The following FHL5 variants were observed in gnomAD, a reference collection of about 807,000 sequenced individuals.
FHL5 encodes four and a half LIM domains 5.
FHL5 carries 33 observed loss-of-function variants against 32.0 expected under a neutral mutation model. The ratio of observed to expected loss-of-function variants is 1.03; its 90% confidence interval spans 0.78 to 1.38. The LOEUF (loss-of-function observed/expected upper bound fraction) is 1.38. FHL5 is among the 40% of genes most tolerant of loss of function. The probability of loss-of-function intolerance (pLI) is 0.00; values close to 1 mark genes in which losing one functional copy is unlikely to be tolerated. For missense variants in FHL5, 336 were observed against 343.9 expected, an observed-to-expected ratio of 0.98 and a Z score of 0.18; for synonymous variants, 114 against 113.6, an observed-to-expected ratio of 1.00 and a Z score of -0.02.
chr6:96,591,416 C>T (rs901563375), intron 1 of FHL5, among the ~76,000 whole-genome samples: 2 of 151,704 alleles, frequency 1.3e-5, no homozygotes, highest in African/African-American at 2.4e-5. Flanking sequence ...TCATTTTTTC[C>T]CTACTCTTTT....
intron 1 of FHL5, among the ~76,000 whole-genome samples, chr6:96,594,818 C>A (rs1771002103): frequency 6.6e-6 from 1 of 151,910 alleles, no homozygotes; most frequent in Non-Finnish European, 1.5e-5. Context: ...TTTAACAAAT[C>A]TAATGACTTA....
intron 1 of FHL5, among the ~76,000 whole-genome samples, chr6:96,597,798 A>G (rs927101763): frequency 1.3e-5 from 2 of 152,022 alleles, no homozygotes; most frequent in Non-Finnish European, 2.9e-5. Context: ...CCACATCTCA[A>G]GGAAAGGGGA....
intron 1 of FHL5, among the ~76,000 whole-genome samples, chr6:96,566,082 A>C (rs1340243863): frequency 6.6e-6 from 1 of 152,068 alleles, no homozygotes; most frequent in African/African-American, 2.4e-5. Flanking sequence ...AGTGCTATAG[A>C]ACACTCAAAC....
intron 1 of FHL5, among the ~76,000 whole-genome samples, chr6:96,570,088 G>C (rs182671711): frequency 8.2e-4 from 124 of 151,786 alleles, no homozygotes; most frequent in African/African-American, 2.9e-3. Context: ...TATACTTTTG[G>C]TGTGTTTTCA....
At chr6:96,614,037 T>C (rs1771466406) in intron 5 of FHL5, among the ~76,000 whole-genome samples, 2 of 152,226 alleles carry the variant, frequency 1.3e-5, no homozygotes, top group African/African-American at 2.4e-5. Context: ...ACAACCCTCA[T>C]GACCTAAGGG....
In FHL5 at chr6:96,568,991, C is replaced by A. The variant is rs187698934; in HGVS notation, c.-13+5636C>A. The stretch of plus-strand genomic sequence containing the variant: ...TTCTTTCTTTCCTTCTAATTTTGGG[C>A]TTGGTTTACTCTGCTTTTCTAGTTT... On this transcript the variant is annotated intron_variant, in intron 1 of 5. Coordinates refer to ENST00000450218, the MANE Select transcript of FHL5 (RefSeq NM_001322466.2). 3.3e-5 allele frequency among the ~76,000 whole-genome samples: 5 copies of A among 151,574 alleles called. No homozygotes were observed. The East Asian group carries it at 9.7e-4, about 29-fold the overall frequency.
At chr6:96,607,761 T>C (rs545152477) in intron 4 of FHL5, among the ~76,000 whole-genome samples, 75 of 152,008 alleles carry the variant, frequency 4.9e-4, no homozygotes, top group African/African-American at 1.2e-3. Flanking sequence ...GGTGGGAAGA[T>C]TGCCTGAGGC....
intron 1 of FHL5, among the ~76,000 whole-genome samples, chr6:96,602,975 G>A (rs1007100987): frequency 2.0e-5 from 3 of 152,124 alleles, no homozygotes; most frequent in Non-Finnish European, 4.4e-5. Context: ...TCTAAAGCTA[G>A]CAGAAAACAG....
chr6:96,570,096 T>G (rs1770444314), intron 1 of FHL5, among the ~76,000 whole-genome samples: 1 of 152,074 alleles, frequency 6.6e-6, no homozygotes, highest in Non-Finnish European at 1.5e-5. Flanking sequence ...TGGTGTGTTT[T>G]CATGACAGTG....
rs1771242521 is a variant in FHL5 at position 96,604,997 on chromosome 6, G to A, written c.334+73G>A. ...TTCATTAAGTCCCAGCACATGAGGA[G>A]TGCAGCAGCTCCCAAAACCCTGGTT... On this transcript the variant is annotated intron_variant, in intron 3 of 5. Transcript: ENST00000450218. The A allele has an allele frequency of 1.5e-5, 18 of 1,163,762 alleles. No homozygotes were observed. The East Asian group carries it at 4.6e-4, about 30-fold the overall frequency. The allele number at this position is 1,163,762 out of a possible 1,614,324, so 72.1% of individuals were successfully genotyped here.
At position 96,618,503 on chromosome 6, in the gene FHL5, T is replaced by C. The variant is rs1440094624; in HGVS notation, c.*2731T>C. Among the ~76,000 whole-genome samples, 1 of 152,196 alleles carries C rather than the reference T, an allele frequency of 6.6e-6. No individual in the cohort carries two copies. The highest frequency in any genetic ancestry group is 1.5e-5 in the Non-Finnish European group (1 of 68,032). ...CATAAGTAAAGGAAGAAAATAATTA[T>C]TGTAGTGTTTGAGGAAAATTATGCT... is the stretch of plus-strand genomic sequence containing the variant. On this transcript the variant is annotated 3_prime_UTR_variant, in exon 6 of 6. Coordinates refer to ENST00000450218, the MANE Select transcript of FHL5 (RefSeq NM_001322466.2).
intron 1 of FHL5, among the ~76,000 whole-genome samples, chr6:96,577,533 A>G (rs1273581372): frequency 6.6e-6 from 1 of 152,138 alleles, no homozygotes; most frequent in Non-Finnish European, 1.5e-5. Context: ...ATAAAGCCAA[A>G]TATGATTTTG....
At chr6:96,586,580 C>T (rs761162758) in intron 1 of FHL5, among the ~76,000 whole-genome samples, 4 of 151,988 alleles carry the variant, frequency 2.6e-5, no homozygotes, top group Non-Finnish European at 5.9e-5. Flanking sequence ...AGGGACAATG[C>T]CCCAAAGAAA....
chr6:96,603,586 A>C lies in FHL5; in HGVS notation c.-12-16A>C. ...AATTCTGCTTTTATATACATTAATC[A>C]CTTTGTCATTCATAGGATCAAACCA... On this transcript the variant is annotated splice_polypyrimidine_tract_variant and intron_variant, in intron 1 of 5. Transcript: ENST00000450218. The C allele has an allele frequency of 6.3e-7, 1 of 1,591,376 alleles. No homozygotes were observed. Among genetic ancestry groups the C allele is most frequent in the Non-Finnish European group, 8.6e-7 (1 of 1,166,076 alleles).
At chr6:96,562,960 C>A (rs759699617), upstream of FHL5, among the ~76,000 whole-genome samples, 9 of 152,114 alleles carry the variant, frequency 5.9e-5, no homozygotes, top group Non-Finnish European at 8.8e-5. Context: ...GTGGAAATTT[C>A]TCAAGTGTGT....
At chr6:96,605,706 T>A (rs1372602932) in intron 3 of FHL5, among the ~76,000 whole-genome samples, 196 bp from the exon 4 acceptor site, 1 of 152,056 alleles carries the variant, frequency 6.6e-6, no homozygotes. Flanking sequence ...TCCATCATCA[T>A]GGCTAAACTT....
At chr6:96,611,914 C>T (rs531382131) in intron 5 of FHL5, among the ~76,000 whole-genome samples, 4 of 152,268 alleles carry the variant, frequency 2.6e-5, no homozygotes, top group Admixed American at 2.0e-4. Flanking sequence ...TGATGTTTGG[C>T]CTGAACATGT....
At chr6:96,614,226 A>C (rs1771469987) in intron 5 of FHL5, among the ~76,000 whole-genome samples, 1 of 148,264 alleles carries the variant, frequency 6.7e-6, no homozygotes, top group Non-Finnish European at 1.5e-5. Context: ...TGAGCATCAA[A>C]ATGCTAGACA....
chr6:96,569,614 A>G (rs1770432054), intron 1 of FHL5, among the ~76,000 whole-genome samples: 1 of 151,810 alleles, frequency 6.6e-6, no homozygotes, highest in Non-Finnish European at 1.5e-5. Flanking sequence ...GTGGTATTGG[A>G]TGTGTGTATG....
Sources: allele counts gnomAD v4.1 joint callset (sites outside exome capture counted in the v4.1 genomes callset), GRCh38; gene constraint gnomAD v4.1.1; transcripts MANE v1.5; gene names NCBI Gene and HGNC (gene_info 2026-07-23, HGNC 2026-07-21).